DAPK2: variants seen among roughly 807,000 people sequenced by gnomAD.
DAPK2 encodes the protein death associated protein kinase 2, also known as death-associated protein kinase 2.
Under a neutral mutation model 44.1 loss-of-function variants are expected in DAPK2, and 35 were observed. The observed-to-expected ratio is 0.79, with a 90% confidence interval of 0.61 to 1.05. DAPK2 has a LOEUF of 1.05. Among genes scored for constraint, DAPK2 ranks in the 50% least tolerant of loss-of-function variants. The probability of loss-of-function intolerance (pLI) is 0.00; values close to 1 mark genes in which losing one functional copy is unlikely to be tolerated. For missense variants in DAPK2, 453 were observed against 483.2 expected (o/e 0.94, Z 0.59); for synonymous variants, 174 against 182.6 (o/e 0.95, Z 0.38).
chr15:63,977,727 A>C (rs1333820532), intron 2 of DAPK2, among the ~76,000 whole-genome samples: 2 of 152,202 alleles, frequency 1.3e-5, no homozygotes, highest in African/African-American at 4.8e-5. Context: ...CTTGAGCTTG[A>C]TATCCACCCG....
intron 2 of DAPK2, among the ~76,000 whole-genome samples, chr15:63,982,700 G>T (rs897110621): frequency 2.6e-5 from 4 of 152,152 alleles, no homozygotes; most frequent in African/African-American, 4.8e-5. Flanking sequence ...AGGCCAACCC[G>T]CCTCACACTC....
chr15:63,912,162 C>G lies in DAPK2; in HGVS notation c.894G>C (p.Glu298Asp). Residue 298 changes from glutamate to aspartate, a missense_variant, in exon 9 of 11, where the codon GAG (glutamate) becomes GAC (aspartate). Physicochemically the swap from Glu to Asp is conservative, Grantham distance 45. Coordinates refer to ENST00000261891, the Ensembl canonical transcript of DAPK2. The surrounding 1 kb of genome is among the most constrained non-coding windows in gnomAD (Gnocchi z 4.4). ...TGAAGTTCTCCAGATTGACCACAGA[C>G]TCCCTGCGCACCATGGCTTGCTGGT... The G allele has an allele frequency of 6.2e-7, 1 of 1,612,674 alleles. No individual in the cohort carries two copies. The highest frequency in any genetic ancestry group is 1.1e-5 in the South Asian group (1 of 91,048).
chr15:63,955,882 A>T (rs1009870335), intron 3 of DAPK2, among the ~76,000 whole-genome samples: 2 of 152,168 alleles, frequency 1.3e-5, no homozygotes, highest in South Asian at 4.1e-4. Flanking sequence ...ATTAGTTCTT[A>T]TTTAAATGTT....
rs1208977987 is a variant in DAPK2 at position 63,923,343 on chromosome 15, A to T, written c.858+1473T>A. ...TCAGGGGCTCTGCCTTCTCCTTTTG[A>T]CTGGTGGGTGTTCAGACAGAAGAAT... On this transcript the variant is annotated intron_variant, in intron 8 of 10. Transcript: ENST00000261891. This position sits in a 1 kb window ranked among gnomAD's most constrained non-coding sequence, Gnocchi z 4.2. 6.5e-7 allele frequency: 1 copy of T among 1,533,388 alleles called. No homozygotes were observed. Among genetic ancestry groups the T allele is most frequent in the African/African-American group, 1.4e-5 (1 of 72,854 alleles). 95.0% of individuals were successfully genotyped at this position (1,533,388 alleles called of 1,614,324 possible).
upstream of DAPK2, among the ~76,000 whole-genome samples, chr15:64,045,185 C>G (rs1485571236): frequency 6.6e-6 from 1 of 152,168 alleles, no homozygotes; most frequent in Non-Finnish European, 1.5e-5. Flanking sequence ...CAGGAACTTA[C>G]CCCAGAGGAG....
intron 3 of DAPK2, among the ~76,000 whole-genome samples, chr15:63,949,101 G>A (rs986898975): frequency 6.6e-6 from 1 of 152,102 alleles, no homozygotes; most frequent in Non-Finnish European, 1.5e-5. Context: ...TCATCAGTTT[G>A]CTGTGCAGCT....
chr15:63,929,459 T>G, intron 6 of DAPK2, 92 bp downstream of exon 7: 5 of 1,529,684 alleles, frequency 3.3e-6, no homozygotes, highest in Non-Finnish European at 4.5e-6. Flanking sequence ...GGGTGCTTAG[T>G]AAATGTCAGT....
chr15:64,018,236 G>C (rs563410570), intron 1 of DAPK2, among the ~76,000 whole-genome samples: 6 of 152,160 alleles, frequency 3.9e-5, no homozygotes, highest in Non-Finnish European at 8.8e-5. Flanking sequence ...TCAAATGACG[G>C]TTTGCAGGTA....
At chr15:64,007,162 A>T (rs773685108) in intron 1 of DAPK2, among the ~76,000 whole-genome samples, 2 of 151,884 alleles carry the variant, frequency 1.3e-5, no homozygotes, top group Non-Finnish European at 2.9e-5. Flanking sequence ...ACGGGGTCTC[A>T]CTATGTCATC....
intron 3 of DAPK2, among the ~76,000 whole-genome samples, chr15:63,967,785 G>T (rs914881957): frequency 8.5e-5 from 13 of 152,226 alleles, no homozygotes; most frequent in African/African-American, 3.1e-4. Flanking sequence ...ATTGCACAAT[G>T]GCTGAACATA....
rs1003499407 is a variant in DAPK2, at chr15:63,923,514, C to T, written c.858+1302G>A. On this transcript the variant is annotated intron_variant, in intron 8 of 10. Coordinates refer to ENST00000261891, the Ensembl canonical transcript of DAPK2. The surrounding 1 kb of genome is among the most constrained non-coding windows in gnomAD (Gnocchi z 4.2). ...CACCTCCTTAGGCCATAAGTGAGGT[C>T]AAGGAGTGTGGGGGTGCTGTCTGCA... 3.3e-5 allele frequency among the ~76,000 whole-genome samples: 5 copies of T among 152,198 alleles called. No homozygotes were observed. The highest frequency in any genetic ancestry group is 3.3e-4 in the Admixed American group (5 of 15,286).
chr15:63,985,117 G>A (rs892854588), intron 1 of DAPK2, among the ~76,000 whole-genome samples: 2 of 152,206 alleles, frequency 1.3e-5, no homozygotes, highest in Non-Finnish European at 2.9e-5. Flanking sequence ...TAGGCACTAC[G>A]GGGCAGGGAC....
intron 1 of DAPK2, among the ~76,000 whole-genome samples, chr15:64,018,844 G>C (rs562476127): frequency 6.6e-6 from 1 of 152,302 alleles, no homozygotes; most frequent in African/African-American, 2.4e-5. Flanking sequence ...AACCCTCTGA[G>C]AGACACCCTA....
At chr15:63,914,855 T>C (rs1327337874) in intron 8 of DAPK2, among the ~76,000 whole-genome samples, 8 of 152,328 alleles carry the variant, frequency 5.3e-5, no homozygotes, top group Non-Finnish European at 8.8e-5. Flanking sequence ...CTATATAAAG[T>C]AGCAAGCCAA....
chr15:63,952,188 C>T (rs1046245485), intron 3 of DAPK2, among the ~76,000 whole-genome samples: 4 of 152,020 alleles, frequency 2.6e-5, no homozygotes, highest in African/African-American at 7.2e-5. Flanking sequence ...TGCAGTGAAC[C>T]GAGATCCTGC....
At chr15:64,001,985 C>G (rs1336980651) in intron 1 of DAPK2, among the ~76,000 whole-genome samples, 1 of 152,024 alleles carries the variant, frequency 6.6e-6, no homozygotes, top group East Asian at 1.9e-4. Context: ...TAATAAATAT[C>G]TGTTGAGTGA....
exon 11 of DAPK2, chr15:63,907,672 C>T (rs1032516273): frequency 7.9e-5 from 12 of 152,286 alleles, no homozygotes; most frequent in African/African-American, 1.4e-4. Flanking sequence ...TCCCCTGCCT[C>T]GGACTGCCAA....
chr15:64,024,668 T>C (rs149551208), intron 1 of DAPK2, among the ~76,000 whole-genome samples: 1 of 152,304 alleles, frequency 6.6e-6, no homozygotes, highest in African/African-American at 2.4e-5. Flanking sequence ...CCTATCCTTC[T>C]GCCTGGGTCT....
chr15:63,998,418 G>T (rs931291918), intron 1 of DAPK2, among the ~76,000 whole-genome samples: 1 of 152,194 alleles, frequency 6.6e-6, no homozygotes, highest in Non-Finnish European at 1.5e-5. Context: ...TAGGGCCCAG[G>T]AGAGCCAAAG....
Sources: allele counts gnomAD v4.1 joint callset (sites outside exome capture counted in the v4.1 genomes callset), GRCh38; gene constraint gnomAD v4.1.1; non-coding constraint Gnocchi (gnomAD v3.1); transcripts MANE v1.5; gene names NCBI Gene and HGNC (gene_info 2026-07-23, HGNC 2026-07-21).